Variants in AGMO observed in about 807,000 individuals in gnomAD.
The protein encoded by AGMO is alkylglycerol monooxygenase, also known as glyceryl-ether monooxygenase.
In AGMO, 75 loss-of-function variants were observed where a neutral mutation model predicts 60.2. The ratio of observed to expected loss-of-function variants is 1.25; its 90% CI spans 1.03 to 1.51. The LOEUF (loss-of-function observed/expected upper bound fraction) is 1.51. Among genes scored for constraint, AGMO ranks in the 40% most tolerant of loss-of-function variants. AGMO has a pLI of 0.00. For missense variants in AGMO, 763 were observed against 525.5 expected (o/e 1.45, Z -4.42); for synonymous variants, 261 against 177.1 (o/e 1.47, Z -3.76).
chr7:15,338,117 A>G (rs565706670), intron 12 of AGMO, among the ~76,000 whole-genome samples: 9 of 152,322 alleles, frequency 5.9e-5, no homozygotes, highest in African/African-American at 1.7e-4. Context: ...AAACTCCTGA[A>G]TATGTATATT....
At chr7:15,443,852 T>A (rs558680111) in intron 3 of AGMO, among the ~76,000 whole-genome samples, 1 of 152,346 alleles carries the variant, frequency 6.6e-6, no homozygotes, top group Non-Finnish European at 1.5e-5. Flanking sequence ...CTGAGCTTTT[T>A]GAACACTCTC....
chr7:15,460,922 T>C (rs1281854411), intron 3 of AGMO, among the ~76,000 whole-genome samples: 6 of 152,208 alleles, frequency 3.9e-5, no homozygotes, highest in Non-Finnish European at 7.4e-5. Context: ...GTTATATGAT[T>C]CCTTCCCTGA....
the AGMO span, among the ~76,000 whole-genome samples, chr7:15,186,510 A>ATG: frequency 6.6e-6 from 1 of 152,182 alleles, no homozygotes; most frequent in Non-Finnish European, 1.5e-5. Flanking sequence ...AAATGGCTGC[A>ATG]AAGAATGAGT....
At chr7:15,511,280 A>G (rs763783413) in intron 3 of AGMO, among the ~76,000 whole-genome samples, 2 of 152,142 alleles carry the variant, frequency 1.3e-5, no homozygotes, top group African/African-American at 4.8e-5. Context: ...CACATCTTTT[A>G]TACGTAGTAT....
intron 4 of AGMO, among the ~76,000 whole-genome samples, chr7:15,425,450 TG>T (rs1438048731): frequency 1.3e-5 from 2 of 151,382 alleles, no homozygotes; most frequent in Non-Finnish European, 2.9e-5. Flanking sequence ...TTTTTTTTTT[TG>T]AGAAAGAGGG....
At position 15,329,847 on chromosome 7, in the gene AGMO, C is replaced by T. The variant is rs778476124; in HGVS notation, c.1263+35667G>A. On this transcript the variant is annotated intron_variant, in intron 12 of 12. Transcript: ENST00000342526. ...GTGGGTAAGGAAGCTTCATATCCCA[C>T]GAGCATCCTTACTTTGTTGGGTTTG... Among the ~76,000 whole-genome samples, 19 of 152,048 alleles carry T rather than the reference C, an allele frequency of 1.2e-4. 1 individual carries two copies. Among genetic ancestry groups the T allele is most frequent in the African/African-American group, 1.9e-4 (8 of 41,390 alleles).
intron 12 of AGMO, among the ~76,000 whole-genome samples, chr7:15,356,332 G>A (rs1782528271): frequency 6.6e-6 from 1 of 152,040 alleles, no homozygotes; most frequent in South Asian, 2.1e-4. Context: ...AGTCAACAGT[G>A]AACCAATTTA....
chr7:15,467,544 G>C (rs77960926), intron 3 of AGMO, among the ~76,000 whole-genome samples: 7,278 of 152,046 alleles, frequency 0.048, 572 homozygotes, highest in African/African-American at 0.16. Flanking sequence ...CACACAAAAG[G>C]ACTAAAACTC....
At chr7:15,273,139 C>T (rs1410610486) in intron 12 of AGMO, among the ~76,000 whole-genome samples, 1 of 152,108 alleles carries the variant, frequency 6.6e-6, no homozygotes, top group Non-Finnish European at 1.5e-5. Context: ...TAATTAGATC[C>T]CATTTGTCAA....
At chr7:15,521,438 G>A (rs1031364373) in intron 3 of AGMO, among the ~76,000 whole-genome samples, 7 of 151,970 alleles carry the variant, frequency 4.6e-5, no homozygotes, top group African/African-American at 1.7e-4. Flanking sequence ...CATCAATGTG[G>A]AAATCCTCAA....
the AGMO span, among the ~76,000 whole-genome samples, chr7:15,165,450 A>G: frequency 6.6e-6 from 1 of 152,184 alleles, no homozygotes; most frequent in Non-Finnish European, 1.5e-5. Context: ...TCAGAGTTTG[A>G]GGGTAACTTA....
chr7:15,358,456 A>AG, intron 12 of AGMO: 1 of 470,512 alleles, frequency 2.1e-6, no homozygotes, highest in Non-Finnish European at 4.4e-6. Flanking sequence ...CTAAAGGGTG[A>AG]GATACGTACT....
intron 12 of AGMO, among the ~76,000 whole-genome samples, chr7:15,286,307 T>C (rs1281046770): frequency 6.6e-6 from 1 of 152,042 alleles, no homozygotes; most frequent in Non-Finnish European, 1.5e-5. Flanking sequence ...GCAGAAAGTA[T>C]TTGCAAACTA....
intron 10 of AGMO, among the ~76,000 whole-genome samples, chr7:15,380,095 G>T (rs750608478): frequency 1.9e-4 from 29 of 152,102 alleles, no homozygotes; most frequent in Non-Finnish European, 3.5e-4. Context: ...CTTGAAACCA[G>T]CACAAGACAA....
chr7:15,163,359 T>G, the AGMO span, among the ~76,000 whole-genome samples: 78 of 152,276 alleles, frequency 5.1e-4, 2 homozygotes, highest in South Asian at 0.011. Context: ...AGTACTATGT[T>G]CAGTAAGAGT....
At chr7:15,258,386 G>A (rs890445350) in intron 12 of AGMO, among the ~76,000 whole-genome samples, 1 of 151,108 alleles carries the variant, frequency 6.6e-6, no homozygotes, top group South Asian at 2.1e-4. Flanking sequence ...TTCACTGTCT[G>A]TATTTAAAAA....
intron 3 of AGMO, among the ~76,000 whole-genome samples, chr7:15,517,913 A>G (rs2128533872): frequency 6.6e-6 from 1 of 152,192 alleles, no homozygotes; most frequent in South Asian, 2.1e-4. Context: ...GCAAGCTAAG[A>G]TCCACTGGTT....
chr7:15,131,080 C>A, the AGMO span, among the ~76,000 whole-genome samples: 5 of 151,770 alleles, frequency 3.3e-5, no homozygotes, highest in African/African-American at 1.2e-4. Context: ...TGCATGAAAC[C>A]ACTTATGTAA....
At chr7:15,361,546 A>AAAAAAAAAAAAAAAGAAAAAAAAAG (rs60239009) in intron 12 of AGMO, among the ~76,000 whole-genome samples, 1 of 91,408 alleles carries the variant, frequency 1.1e-5, no homozygotes, top group African/African-American at 4.3e-5. Flanking sequence ...TCTCAAAAAA[A>AAAAAAAAAAAAAAAGAAAAAAAAAG]AAAAAAAAGG....
Sources: allele counts gnomAD v4.1 joint callset (sites outside exome capture counted in the v4.1 genomes callset), GRCh38; gene constraint gnomAD v4.1.1; transcripts MANE v1.5; gene names NCBI Gene and HGNC (gene_info 2026-07-23, HGNC 2026-07-21).